The following CHD9 variants were observed in gnomAD, a reference collection of about 807,000 sequenced individuals.
CHD9 encodes the protein chromodomain helicase DNA binding protein 9.
A neutral mutation model predicts 316.1 loss-of-function variants in CHD9; 77 were observed. That is an observed-to-expected ratio of 0.24 (90% confidence interval 0.20 to 0.29). CHD9 has a LOEUF of 0.29. Ranked by LOEUF, CHD9 falls within the 10% of genes least tolerant of loss-of-function variation. The pLI, the probability that CHD9 is intolerant of heterozygous loss-of-function variation, is 1.00. For synonymous variants in CHD9, 1,129 were observed against 1,158.3 expected (o/e 0.97, Z 0.51); for missense variants, 2,763 against 3,438.1 (o/e 0.80, Z 4.91).
intron 2 of CHD9, among the ~76,000 whole-genome samples, chr16:53,167,353 T>C (rs1300381854): frequency 1.3e-5 from 2 of 152,180 alleles, no homozygotes; most frequent in Non-Finnish European, 2.9e-5. Flanking sequence ...GTTCAGTATT[T>C]ATTAGATGTC....
chr16:53,279,164 G>T (rs1185291574), intron 24 of CHD9, among the ~76,000 whole-genome samples: 1 of 152,128 alleles, frequency 6.6e-6, no homozygotes, highest in African/African-American at 2.4e-5. Flanking sequence ...ATACACCATG[G>T]AATACTATGC....
At chr16:53,072,329 T>G (rs1425557702) in intron 1 of CHD9, among the ~76,000 whole-genome samples, 1 of 151,682 alleles carries the variant, frequency 6.6e-6, no homozygotes, top group Non-Finnish European at 1.5e-5. Flanking sequence ...TCTTTTTTTT[T>G]TTTTATAATT....
rs1020531577 is a variant in CHD9, at chr16:53,326,365, C to T, written c.*1470C>T. Reference sequence around the variant, plus strand: ...GCATAAATTTAGGGGGAAAAAGTGTCCCAGTTCTCTCCTACAGAAAAAATA... The same window carrying T: ...GCATAAATTTAGGGGGAAAAAGTGTTCCAGTTCTCTCCTACAGAAAAAATA... On this transcript the variant is annotated 3_prime_UTR_variant, in exon 39 of 39. Transcript: ENST00000447540. 6.6e-6 allele frequency: 1 copy of T among 152,376 alleles called. No homozygotes were observed. Among genetic ancestry groups the T allele is most frequent in the East Asian group, 1.9e-4 (1 of 5,188 alleles). The allele number at this position is 152,376 out of a possible 1,614,324, so 9.4% of individuals were successfully genotyped here. A position where few individuals can be genotyped will look rare whatever the true frequency, so the allele number is the denominator to read the frequency against.
chr16:53,254,086 A>G (rs2050357907), intron 17 of CHD9, among the ~76,000 whole-genome samples: 2 of 152,178 alleles, frequency 1.3e-5, no homozygotes, highest in Non-Finnish European at 2.9e-5. Context: ...CCGAGGCAGG[A>G]GAATCACTTG....
chr16:53,142,187 T>C (rs1294511019), intron 1 of CHD9, among the ~76,000 whole-genome samples: 1 of 152,222 alleles, frequency 6.6e-6, no homozygotes, highest in Non-Finnish European at 1.5e-5. Context: ...GGAATCTTAA[T>C]CTGTGTTTTT....
At chr16:53,158,307 A>G (rs1440446344) in intron 2 of CHD9, among the ~76,000 whole-genome samples, 1 of 152,230 alleles carries the variant, frequency 6.6e-6, no homozygotes, top group African/African-American at 2.4e-5. Context: ...AGCATAGCTC[A>G]TTATTGTAAT....
chr16:53,086,370 C>T (rs2035461055), intron 1 of CHD9, among the ~76,000 whole-genome samples: 1 of 152,222 alleles, frequency 6.6e-6, no homozygotes, highest in Non-Finnish European at 1.5e-5. Flanking sequence ...CAATTATACA[C>T]AGACTGGGCT....
At chr16:53,142,318 T>C (rs1301451259) in intron 1 of CHD9, among the ~76,000 whole-genome samples, 1 of 152,190 alleles carries the variant, frequency 6.6e-6, no homozygotes, top group Non-Finnish European at 1.5e-5. Context: ...CCCAGGCTGG[T>C]CTCAAACTTG....
intron 2 of CHD9, among the ~76,000 whole-genome samples, chr16:53,162,183 C>T (rs1193661571): frequency 6.6e-6 from 1 of 152,028 alleles, no homozygotes; most frequent in Non-Finnish European, 1.5e-5. Flanking sequence ...TAGAATTTTA[C>T]TGCTTAGAAA....
chr16:53,202,825 G>A (rs991391213), intron 2 of CHD9, among the ~76,000 whole-genome samples: 6 of 152,154 alleles, frequency 3.9e-5, no homozygotes, highest in Middle Eastern at 3.4e-3. Flanking sequence ...GTACTACTGC[G>A]AGTCACAAGA....
Position 53,275,540 on chromosome 16 carries a change from G to C in CHD9, c.4967+1238G>C, listed in dbSNP as rs543733904. On this transcript the variant is annotated intron_variant, in intron 24 of 38. Coordinates refer to ENST00000447540, the MANE Select transcript of CHD9 (RefSeq NM_001308319.2). Reference sequence around the variant, plus strand: ...CTTTTGTGTATGTATAGGATACCAGGGAGTGCTACTAGAATTTTCTATTTC... The same window carrying C: ...CTTTTGTGTATGTATAGGATACCAGCGAGTGCTACTAGAATTTTCTATTTC... Among the ~76,000 whole-genome samples, 21 of 152,174 alleles carry C rather than the reference G, an allele frequency of 1.4e-4. No individual in the cohort carries two copies. In the South Asian group the frequency reaches 1.7e-3, roughly 12 times the overall value.
intron 1 of CHD9, among the ~76,000 whole-genome samples, chr16:53,120,476 G>C (rs1224242696): frequency 6.6e-6 from 1 of 152,042 alleles, no homozygotes; most frequent in Non-Finnish European, 1.5e-5. Flanking sequence ...AGCCGGGTGT[G>C]GTGGCGCATG....
intron 1 of CHD9, among the ~76,000 whole-genome samples, chr16:53,071,573 A>G (rs1181029393): frequency 1.3e-5 from 2 of 152,170 alleles, no homozygotes; most frequent in Non-Finnish European, 2.9e-5. Flanking sequence ...AGGCATAATC[A>G]ATACATCTTC....
Position 53,268,030 on chromosome 16 carries a change from G to C in CHD9, c.4621G>C (p.Val1541Leu). The change falls in exon 22 of 39, where the codon GTT becomes CTT. Residue 1541 changes from valine (V) to leucine (L), a missense_variant. This residue lies in a region of CHD9 where 99 missense variants were observed against 131.6 expected (regional missense o/e 0.75). Coordinates refer to ENST00000447540, the MANE Select transcript of CHD9 (RefSeq NM_001308319.2). ...CCGAGCTCTCTTAGCATATTGCCTT[G>C]TTCACTACCGAGGAGATGAGAAGAT... The part of the protein sequence containing the change: ...ICRALLAYCL[V>L]HYRGDEKIKG... The C allele has an allele frequency of 6.2e-7, 1 of 1,613,460 alleles. No homozygotes were observed. The highest frequency in any genetic ancestry group is 8.5e-7 in the Non-Finnish European group (1 of 1,179,626).
intron 2 of CHD9, among the ~76,000 whole-genome samples, chr16:53,161,022 C>T (rs986348672): frequency 6.6e-6 from 1 of 152,084 alleles, no homozygotes; most frequent in African/African-American, 2.4e-5. Context: ...GAGTTTGAGG[C>T]TGCAGTGAGC....
chr16:53,165,013 G>A (rs1467886318), intron 2 of CHD9, among the ~76,000 whole-genome samples: 4 of 152,088 alleles, frequency 2.6e-5, no homozygotes, highest in East Asian at 1.9e-4. Flanking sequence ...TGCCCTAAAG[G>A]TAAATCCAAT....
At chr16:53,107,741 T>A (rs1342440184) in intron 1 of CHD9, among the ~76,000 whole-genome samples, 1 of 152,098 alleles carries the variant, frequency 6.6e-6, no homozygotes, top group Non-Finnish European at 1.5e-5. Context: ...AGCATGGGCA[T>A]GACAAGTTCA....
chr16:53,156,212 G>A lies in CHD9; in HGVS notation c.123G>A (p.Leu41=). The change falls in exon 2 of 39, where the codon TTG becomes TTA. Residue 41 remains leucine (L), a synonymous_variant. Coordinates refer to ENST00000447540, the MANE Select transcript of CHD9 (RefSeq NM_001308319.2). ...GPVSLVDELN[L]GAEFEPLHID... is the part of the protein sequence containing the mutation. ...TTTCACTAGTTGATGAATTGAATTT[G>A]GGTGCAGAATTTGAACCGTTGCACA... 6.2e-7 allele frequency: 1 copy of A among 1,613,922 alleles called. No individual in the cohort carries two copies. The highest frequency in any genetic ancestry group is 1.3e-5 in the African/African-American group (1 of 75,034).
chr16:53,057,949 G>A (rs1440084266), intron 1 of CHD9, among the ~76,000 whole-genome samples: 2 of 152,126 alleles, frequency 1.3e-5, no homozygotes, highest in Non-Finnish European at 2.9e-5. Flanking sequence ...TACAGTTGAC[G>A]TGCTGTCTAG....
Sources: allele counts gnomAD v4.1 joint callset (sites outside exome capture counted in the v4.1 genomes callset), GRCh38; gene constraint gnomAD v4.1.1; regional missense constraint gnomAD v4.1.1; transcripts MANE v1.5; gene names NCBI Gene and HGNC (gene_info 2026-07-23, HGNC 2026-07-21).